Variants in UTRN observed in about 807,000 individuals in gnomAD.
UTRN encodes dystrophin-related protein 1.
In UTRN, 283 loss-of-function variants were observed where a neutral mutation model predicts 463.9. That is an observed-to-expected ratio of 0.61 (90% CI 0.55 to 0.67). UTRN has a LOEUF of 0.67. Among genes scored for constraint, UTRN ranks in the 30% least tolerant of loss-of-function variants. UTRN has a pLI of 0.00. For missense variants in UTRN, 3,922 were observed against 4,084.3 expected, an observed-to-expected ratio of 0.96 and a Z score of 1.08; for synonymous variants, 1,442 against 1,431.5, an observed-to-expected ratio of 1.01 and a Z score of -0.17.
At position 144,432,728 on chromosome 6, in the gene UTRN, C is replaced by T. The variant is rs1240441124; in HGVS notation, c.855+2987C>T. Among the ~76,000 whole-genome samples, 6 of 150,490 alleles carry T rather than the reference C, an allele frequency of 4.0e-5. No individual in the cohort carries two copies. In the East Asian group the frequency reaches 7.8e-4, roughly 20 times the overall value. Reference sequence around the variant, plus strand: ...TTATTGATCATTCTTGGGTGTTTCTCGCAGAGGGGGATTTGGCAGGGTCAC... The same window carrying T: ...TTATTGATCATTCTTGGGTGTTTCTTGCAGAGGGGGATTTGGCAGGGTCAC... On this transcript the variant is annotated intron_variant, in intron 9 of 74. Transcript: ENST00000367545.
chr6:144,696,987 T>G (rs1784073387), intron 52 of UTRN, among the ~76,000 whole-genome samples: 1 of 152,172 alleles, frequency 6.6e-6, no homozygotes. Flanking sequence ...CTACTGTGCT[T>G]AAATGATGAA....
At chr6:144,520,854 T>C (rs756150554) in intron 39 of UTRN, among the ~76,000 whole-genome samples, 1 of 152,322 alleles carries the variant, frequency 6.6e-6, no homozygotes. Flanking sequence ...GGTACCTTAA[T>C]TCATGAGCAG....
chr6:144,827,469 A>G, intron 67 of UTRN, 83 bp downstream of exon 67: 1 of 1,604,262 alleles, frequency 6.2e-7, no homozygotes, highest in South Asian at 1.1e-5. Context: ...CTTGGTCTAA[A>G]ATAATACTTC....
intron 51 of UTRN, among the ~76,000 whole-genome samples, chr6:144,652,420 G>A (rs1193560619): frequency 1.3e-5 from 2 of 152,102 alleles, no homozygotes; most frequent in African/African-American, 2.4e-5. Context: ...ATCCATGTAC[G>A]AAGGTGCTAT....
At chr6:144,337,182 CACACACACACACCA>C (rs1562263658) in intron 2 of UTRN, among the ~76,000 whole-genome samples, 131 of 136,430 alleles carry the variant, frequency 9.6e-4, no homozygotes, top group Middle Eastern at 3.8e-3. Context: ...CACACAGACA[CACACACACACACCA>C]CACACACACA....
At chr6:144,757,854 G>T in intron 57 of UTRN, 75 bp from the exon 58 acceptor site, 1 of 1,337,402 alleles carries the variant, frequency 7.5e-7, no homozygotes, top group East Asian at 2.4e-5. Flanking sequence ...GCTATAAAAT[G>T]TTCAGTTGTT....
chr6:144,709,657 A>G (rs932826443), intron 53 of UTRN, among the ~76,000 whole-genome samples: 1 of 152,220 alleles, frequency 6.6e-6, no homozygotes. Context: ...AATTTGACGT[A>G]AACTCTCACT....
intron 23 of UTRN, among the ~76,000 whole-genome samples, chr6:144,471,057 A>AGGGGGGG (rs1454781033): frequency 4.7e-5 from 1 of 21,460 alleles, no homozygotes; most frequent in African/African-American, 1.7e-4. Context: ...AGGGAGGGGG[A>AGGGGGGG]GAGGGAGGGG....
At chr6:144,836,266 G>A (rs1337599305) in intron 70 of UTRN, 35 bp from the exon 71 acceptor site, 3 of 1,613,146 alleles carry the variant, frequency 1.9e-6, no homozygotes, top group Non-Finnish European at 8.5e-7. Flanking sequence ...TAATGCACGT[G>A]GTAGTCATTC....
chr6:144,315,087 G>A (rs550131300), intron 2 of UTRN, among the ~76,000 whole-genome samples: 8 of 152,246 alleles, frequency 5.3e-5, no homozygotes, highest in South Asian at 2.1e-4. Flanking sequence ...TGGGCACTTA[G>A]TGGGCTATAA....
chr6:144,671,576 TCAGCTAACAGTTTGACTTCCTTTTTA>T (rs983641246), intron 51 of UTRN, among the ~76,000 whole-genome samples: 20 of 152,100 alleles, frequency 1.3e-4, no homozygotes, highest in Admixed American at 7.9e-4. Context: ...AATCATGTCA[TCAGCTAACAGTTTGACTTCCTTTTTA>T]CAGCTAACAG....
At chr6:144,604,805 C>T (rs1562637670) in intron 51 of UTRN, among the ~76,000 whole-genome samples, 1 of 152,052 alleles carries the variant, frequency 6.6e-6, no homozygotes, top group East Asian at 1.9e-4. Flanking sequence ...ATCCCAGCTA[C>T]TGGGGAGGCT....
chr6:144,718,927 G>A, intron 53 of UTRN, among the ~76,000 whole-genome samples: 1 of 152,154 alleles, frequency 6.6e-6, no homozygotes, highest in Non-Finnish European at 1.5e-5. Context: ...ATCCCTGAAG[G>A]GTCAAAAGGG....
At chr6:144,669,175 A>G (rs530671925) in intron 51 of UTRN, among the ~76,000 whole-genome samples, 3 of 152,072 alleles carry the variant, frequency 2.0e-5, no homozygotes, top group African/African-American at 4.8e-5. Context: ...TGACAATTTT[A>G]TAAGGGAAAA....
intron 34 of UTRN, among the ~76,000 whole-genome samples, chr6:144,505,603 C>G (rs1478546909): frequency 6.6e-6 from 1 of 152,218 alleles, no homozygotes; most frequent in Non-Finnish European, 1.5e-5. Flanking sequence ...TTTGATTGCA[C>G]TGTGGTCTGA....
chr6:144,307,484 T>C (rs1197285454), intron 2 of UTRN, among the ~76,000 whole-genome samples: 1 of 152,184 alleles, frequency 6.6e-6, no homozygotes, highest in Non-Finnish European at 1.5e-5. Context: ...AGAGGAAGAG[T>C]GACATATTAT....
chr6:144,600,688 T>A (rs889498551), intron 51 of UTRN, among the ~76,000 whole-genome samples: 1 of 152,242 alleles, frequency 6.6e-6, no homozygotes, highest in Non-Finnish European at 1.5e-5. Context: ...AATGCTGATG[T>A]TGAAGCTGCA....
intron 19 of UTRN, among the ~76,000 whole-genome samples, chr6:144,456,063 G>A (rs1433942910): frequency 6.6e-6 from 1 of 152,074 alleles, no homozygotes; most frequent in African/African-American, 2.4e-5. Flanking sequence ...TTCATTAGAG[G>A]ACCCTAATTC....
At chr6:144,315,697 G>A (rs1408950298) in intron 2 of UTRN, among the ~76,000 whole-genome samples, 6 of 152,156 alleles carry the variant, frequency 3.9e-5, no homozygotes, top group East Asian at 3.8e-4. Flanking sequence ...TCTTTCCTCC[G>A]TGCCGCTGTG....
Sources: allele counts gnomAD v4.1 joint callset (sites outside exome capture counted in the v4.1 genomes callset), GRCh38; gene constraint gnomAD v4.1.1; transcripts MANE v1.5; gene names NCBI Gene and HGNC (gene_info 2026-07-23, HGNC 2026-07-21).